Variants in C11orf16 observed in about 807,000 individuals in gnomAD.
The protein encoded by C11orf16 is uncharacterized protein C11orf16.
A neutral mutation model predicts 45.1 loss-of-function variants in C11orf16; 38 were observed. That is an observed-to-expected ratio of 0.84 (90% CI 0.65 to 1.10). C11orf16 has a LOEUF of 1.10. Among genes scored for constraint, C11orf16 ranks in the 50% least tolerant of loss-of-function variants. The pLI is 0.00. For synonymous variants in C11orf16, 221 were observed against 222.0 expected (o/e 1.00, Z 0.04); for missense variants, 583 against 569.5 (o/e 1.02, Z -0.24).
rs774587566 is a variant in C11orf16 at position 8,925,622 on chromosome 11, TCTC to T, written c.1042_1044del (p.Glu348del). 6.2e-7 allele frequency: 1 copy of T among 1,614,208 alleles called. No homozygotes were observed. The highest frequency in any genetic ancestry group is 1.1e-5 in the South Asian group (1 of 91,084). ...TGGGGAGGGCCCATCTCCAGATCAT[TCTC>T]CACACCGTCTTGTTCACAGGAGGAG... On this transcript the variant is annotated inframe_deletion, in exon 5 of 7. Transcript: ENST00000326053.
chr11:8,926,836 C>T (rs2064617324), intron 4 of C11orf16, 104 bp downstream of exon 4: 1 of 846,028 alleles, frequency 1.2e-6, no homozygotes, highest in Non-Finnish European at 1.8e-6. Flanking sequence ...CTTCTTAATG[C>T]CTTAGAAACC....
intron 3 of C11orf16, chr11:8,927,667 T>A: frequency 2.2e-6 from 1 of 456,550 alleles, no homozygotes; most frequent in Non-Finnish European, 4.4e-6. Context: ...GCCACAGAGC[T>A]GCCCTCAGCA....
rs1463404001 is a variant in C11orf16 at position 8,921,357 on chromosome 11, G to A, written c.1363C>T (p.Gln455Ter). ...TTCCACTGACATATTGCAAGGCTCT[G>A]ACTCCGCTTTCTGTGTTCAGCTTCC... is the stretch of plus-strand genomic sequence containing the variant. Reference protein sequence around the residue: ...PGEAEHRKRSQSLAICQWNKN... With the variant: ...PGEAEHRKRS The change falls in exon 6 of 7, where the codon CAG becomes TAG. Residue 455 changes from glutamine to a stop codon, truncating the protein, a stop_gained. Coordinates refer to ENST00000326053, the MANE Select transcript of C11orf16 (RefSeq NM_020643.3). LOFTEE classifies it high-confidence loss of function. The A allele has an allele frequency of 1.9e-6, 3 of 1,614,184 alleles. No individual in the cohort carries two copies. The South Asian group carries it at 3.3e-5, about 18-fold the overall frequency.
At chr11:8,926,185 CTTTT>C (rs59858402) in intron 4 of C11orf16, 78 bp from the exon 5 acceptor site, 2,888 of 881,180 alleles carry the variant, frequency 3.3e-3, no homozygotes, top group Middle Eastern at 5.9e-3. Flanking sequence ...TTTTTCTTTT[CTTTT>C]TTTTTTTTTT....
At chr11:8,926,172 CTTTTTTT>C (rs1018889493) in intron 4 of C11orf16, 65 bp from the exon 5 acceptor site, 3 of 1,057,618 alleles carry the variant, frequency 2.8e-6, no homozygotes, top group South Asian at 2.1e-5. Flanking sequence ...TTTCTTTTTT[CTTTTTTT>C]CTTTTCTTTT....
At chr11:8,921,978 G>A (rs1413336834) in intron 5 of C11orf16, among the ~76,000 whole-genome samples, 1 of 152,102 alleles carries the variant, frequency 6.6e-6, no homozygotes, top group East Asian at 1.9e-4. Flanking sequence ...TCCATGTAAT[G>A]TTTTCTATTT....
chr11:8,929,324 G>A (rs1171050546), intron 3 of C11orf16, 53 bp downstream of exon 3: 4 of 1,572,054 alleles, frequency 2.5e-6, no homozygotes, highest in South Asian at 2.4e-5. Context: ...TGTCAGGTAT[G>A]ACAAGGCCAC....
rs750545893 is a variant in C11orf16 at position 8,920,495 on chromosome 11, A to G, written c.*23-45T>C. 2.0e-5 allele frequency: 13 copies of G among 644,226 alleles called. 1 individual carries two copies. Among genetic ancestry groups the G allele is most frequent in the South Asian group, 1.9e-4 (11 of 57,092 alleles). 39.9% of individuals were successfully genotyped at this position (644,226 alleles called of 1,614,324 possible). On this transcript the variant is annotated intron_variant, in intron 6 of 6. Coordinates refer to ENST00000326053, the MANE Select transcript of C11orf16 (RefSeq NM_020643.3). Reference sequence around the variant, plus strand: ...TCCATACATTGTTATGCTGACTGCAATTTTAAGAATCAAAAGTCACTGATT... The same window carrying G: ...TCCATACATTGTTATGCTGACTGCAGTTTTAAGAATCAAAAGTCACTGATT...
chr11:8,928,096 C>T (rs1347789652), intron 3 of C11orf16, among the ~76,000 whole-genome samples: 3 of 151,958 alleles, frequency 2.0e-5, no homozygotes, highest in East Asian at 1.9e-4. Flanking sequence ...TTAGTAGAGA[C>T]GGGGTGTCAC....
chr11:8,924,915 A>G (rs1306034030), intron 5 of C11orf16, among the ~76,000 whole-genome samples: 1 of 152,198 alleles, frequency 6.6e-6, no homozygotes, highest in Non-Finnish European at 1.5e-5. Context: ...CTGGCTGCAG[A>G]CTGCCAGCAG....
intron 5 of C11orf16, among the ~76,000 whole-genome samples, chr11:8,922,637 G>A (rs1251880549): frequency 6.6e-6 from 1 of 152,168 alleles, no homozygotes; most frequent in Non-Finnish European, 1.5e-5. Context: ...AGAAACCTAT[G>A]CAAGAGCTTT....
rs1342854300 is a variant in C11orf16, at chr11:8,925,789, C to T, written c.878G>A (p.Trp293Ter). The change falls in exon 5 of 7, where the codon TGG (tryptophan) becomes TAG (stop). Residue 293 changes from tryptophan (W) to a stop codon, truncating the protein, a stop_gained. Coordinates refer to ENST00000326053, the MANE Select transcript of C11orf16 (RefSeq NM_020643.3). LOFTEE classifies it high-confidence loss of function. ...GACTTCTGAGGTCCTGGTTAGAGGC[C>T]ACCAAGTCGTGCCACATGGCGGGCA... is the stretch of plus-strand genomic sequence containing the variant. ...CGCPPCGTTW[W>*]PLTRTSEVMA... 1.2e-6 allele frequency: 2 copies of T among 1,614,218 alleles called. No homozygotes were observed. The highest frequency in any genetic ancestry group is 8.5e-7 in the Non-Finnish European group (1 of 1,180,042).
At chr11:8,922,974 A>G (rs1433734109) in intron 5 of C11orf16, among the ~76,000 whole-genome samples, 1 of 152,222 alleles carries the variant, frequency 6.6e-6, no homozygotes, top group Non-Finnish European at 1.5e-5. Context: ...GATGATGCTC[A>G]TGGGTCAGCC....
chr11:8,926,527 T>C (rs2064615414), intron 4 of C11orf16, among the ~76,000 whole-genome samples: 1 of 151,850 alleles, frequency 6.6e-6, no homozygotes, highest in Non-Finnish European at 1.5e-5. Context: ...CTGCAGGGGC[T>C]CACTTTTCTT....
chr11:8,927,232 A>G, intron 3 of C11orf16, 58 bp from the exon 4 acceptor site: 1 of 1,397,164 alleles, frequency 7.2e-7, no homozygotes, highest in Non-Finnish European at 9.9e-7. Context: ...AATAGGGAGC[A>G]CCCAGGTTCC....
At chr11:8,927,376 C>CCCTGAATCTCTT (rs2064621809) in intron 3 of C11orf16, 1 of 595,260 alleles carries the variant, frequency 1.7e-6, no homozygotes, top group East Asian at 2.8e-5. Context: ...GGTTGTGCTC[C>CCCTGAATCTCTT]CCTGAATCTC....
At chr11:8,924,700 C>T (rs1242840178) in intron 5 of C11orf16, among the ~76,000 whole-genome samples, 1 of 152,198 alleles carries the variant, frequency 6.6e-6, no homozygotes, top group African/African-American at 2.4e-5. Flanking sequence ...CTTCACCTCA[C>T]AGCCTCCCTG....
rs2064561249 is a variant in C11orf16, at chr11:8,920,357, C to A, written c.*116G>T. On this transcript the variant is annotated 3_prime_UTR_variant, in exon 7 of 7. Transcript: ENST00000326053. ...GATACTGGTGGTTATTTGACTGTTACCTGTGGCCTGTCCTCTGCCTCCTTC... is the reference window on the plus strand; with the variant it reads ...GATACTGGTGGTTATTTGACTGTTAACTGTGGCCTGTCCTCTGCCTCCTTC... 8.2e-6 allele frequency: 5 copies of A among 609,926 alleles called. No individual in the cohort carries two copies. The highest frequency in any genetic ancestry group is 3.0e-5 in the East Asian group (1 of 32,820). 37.8% of individuals were successfully genotyped at this position (609,926 alleles called of 1,614,324 possible).
chr11:8,929,651 A>G (rs1267173232), intron 2 of C11orf16, 118 bp from the exon 3 acceptor site: 1 of 995,438 alleles, frequency 1.0e-6, no homozygotes, highest in Non-Finnish European at 1.4e-6. Context: ...GCGGAACAGA[A>G]ATCCATATGG....
Sources: allele counts gnomAD v4.1 joint callset (sites outside exome capture counted in the v4.1 genomes callset), GRCh38; gene constraint gnomAD v4.1.1; transcripts MANE v1.5; gene names NCBI Gene and HGNC (gene_info 2026-07-23, HGNC 2026-07-21).